Variants in GMDS observed in about 807,000 individuals in gnomAD.
GMDS encodes the protein GDP-mannose 4,6-dehydratase, also known as GDP-mannose 4,6 dehydratase.
GMDS carries 20 observed loss-of-function variants against 49.9 expected under a neutral mutation model. The ratio of observed to expected loss-of-function variants is 0.40; its 90% CI spans 0.28 to 0.58. GMDS has a LOEUF of 0.58. Ranked by LOEUF, GMDS falls within the 20% of genes least tolerant of loss-of-function variation. The pLI is 0.42. For synonymous variants in GMDS, 177 were observed against 178.6 expected (o/e 0.99, Z 0.07); for missense variants, 362 against 481.4 (o/e 0.75, Z 2.32).
intron 4 of GMDS, among the ~76,000 whole-genome samples, chr6:1,992,590 C>T (rs765875262): frequency 9.8e-5 from 15 of 152,338 alleles, no homozygotes; most frequent in Admixed American, 5.2e-4. Context: ...CTCAGCTTTT[C>T]ACTCAAATGT....
intron 4 of GMDS, among the ~76,000 whole-genome samples, chr6:2,059,166 CCT>C (rs1441501937): frequency 3.0e-5 from 3 of 98,682 alleles, no homozygotes; most frequent in Non-Finnish European, 5.6e-5. Context: ...ACAGAGTGAT[CCT>C]CTGTCTCAAA....
chr6:2,035,266 T>A (rs1769232477), intron 4 of GMDS, among the ~76,000 whole-genome samples: 1 of 152,144 alleles, frequency 6.6e-6, no homozygotes, highest in Admixed American at 6.5e-5. Context: ...TGTTCTCCCC[T>A]CATGTGCCAA....
rs542960711 is a variant in GMDS, at chr6:2,065,418, A to G, written c.345+50353T>C. The stretch of plus-strand genomic sequence containing the variant: ...CTCACCAGCAATGGAACAAAGCTGG[A>G]TGGAGAATGACTTTGACGAGCTGAG... On this transcript the variant is annotated intron_variant, in intron 4 of 10. Coordinates refer to ENST00000380815, the MANE Select transcript of GMDS (RefSeq NM_001500.4). Among the ~76,000 whole-genome samples, 6 of 152,400 alleles carry G rather than the reference A, an allele frequency of 3.9e-5. No individual in the cohort carries two copies. In the South Asian group the frequency reaches 1.2e-3, roughly 32 times the overall value.
Position 2,075,719 on chromosome 6 carries a change from G to A in GMDS, c.345+40052C>T, listed in dbSNP as rs543806837. 9.9e-5 allele frequency among the ~76,000 whole-genome samples: 15 copies of A among 152,232 alleles called. No homozygotes were observed. In the East Asian group the frequency reaches 2.1e-3, roughly 22 times the overall value. ...GTGAATAGTGCTGCAATAAACATAC[G>A]TGTGCATGTGTCTTTATAGCAGCAT... On this transcript the variant is annotated intron_variant, in intron 4 of 10. Coordinates refer to ENST00000380815, the MANE Select transcript of GMDS (RefSeq NM_001500.4).
intron 4 of GMDS, among the ~76,000 whole-genome samples, chr6:2,081,775 T>C (rs1260761153): frequency 6.6e-6 from 1 of 152,076 alleles, no homozygotes; most frequent in East Asian, 1.9e-4. Flanking sequence ...TCAGCGTAGG[T>C]GAATGACCCA....
chr6:1,666,739 C>T (rs1375282597), intron 9 of GMDS, among the ~76,000 whole-genome samples: 2 of 152,224 alleles, frequency 1.3e-5, no homozygotes, highest in East Asian at 1.9e-4. Flanking sequence ...GTAACGTCTA[C>T]GGCTGACTTA....
intron 4 of GMDS, among the ~76,000 whole-genome samples, chr6:1,969,064 A>G (rs1561933052): frequency 6.6e-6 from 1 of 152,022 alleles, no homozygotes; most frequent in Non-Finnish European, 1.5e-5. Flanking sequence ...GATCAAGACC[A>G]TCCTGGCTAA....
intron 6 of GMDS, among the ~76,000 whole-genome samples, chr6:1,958,113 ATG>A (rs1242892780): frequency 3.2e-5 from 4 of 123,986 alleles, no homozygotes; most frequent in Non-Finnish European, 5.0e-5. Context: ...GCCTTAAAAT[ATG>A]TTTTTTTTTT....
At chr6:1,889,792 G>A (rs529462992) in intron 7 of GMDS, among the ~76,000 whole-genome samples, 6 of 152,124 alleles carry the variant, frequency 3.9e-5, no homozygotes, top group African/African-American at 9.6e-5. Flanking sequence ...CCTAGCCCAC[G>A]GCAACTACAG....
intron 4 of GMDS, among the ~76,000 whole-genome samples, chr6:2,062,093 G>A (rs968741844): frequency 6.6e-6 from 1 of 152,126 alleles, no homozygotes. Flanking sequence ...ATTATGCCTA[G>A]ATCAGCACAA....
intron 4 of GMDS, among the ~76,000 whole-genome samples, chr6:2,086,976 A>G (rs147892800): frequency 2.6e-5 from 4 of 152,378 alleles, no homozygotes; most frequent in Non-Finnish European, 4.4e-5. Context: ...TATTGCTCCA[A>G]ATAAAATATT....
intron 4 of GMDS, among the ~76,000 whole-genome samples, chr6:2,000,025 ATATCTATATC>A (rs1766684292): frequency 1.8e-4 from 2 of 11,266 alleles, no homozygotes; most frequent in Non-Finnish European, 3.4e-4. Flanking sequence ...ATATATATAT[ATATCTATATC>A]TTTTTTTTTT....
chr6:1,825,309 T>C (rs1771062627), intron 7 of GMDS, among the ~76,000 whole-genome samples: 1 of 152,224 alleles, frequency 6.6e-6, no homozygotes, highest in Non-Finnish European at 1.5e-5. Flanking sequence ...CTACAAAGCA[T>C]ATATTTTCTT....
At chr6:1,967,088 C>A (rs966408534) in intron 4 of GMDS, among the ~76,000 whole-genome samples, 1 of 152,196 alleles carries the variant, frequency 6.6e-6, no homozygotes, top group East Asian at 1.9e-4. Flanking sequence ...GGAGCCTTCA[C>A]GCTGCTGACC....
At chr6:1,816,166 G>A (rs1561822309) in intron 7 of GMDS, among the ~76,000 whole-genome samples, 1 of 152,308 alleles carries the variant, frequency 6.6e-6, no homozygotes, top group Admixed American at 6.5e-5. Context: ...GGGAGAAGAA[G>A]TGACCATTCA....
intron 7 of GMDS, among the ~76,000 whole-genome samples, chr6:1,770,369 C>T (rs906235956): frequency 6.6e-6 from 1 of 152,218 alleles, no homozygotes; most frequent in Admixed American, 6.5e-5. Flanking sequence ...TACTGAAGAC[C>T]ACGCGTAAGG....
chr6:2,130,756 GA>G (rs574560448), intron 1 of GMDS, among the ~76,000 whole-genome samples: 5 of 150,724 alleles, frequency 3.3e-5, no homozygotes, highest in South Asian at 2.1e-4. Flanking sequence ...AGTTTGATAA[GA>G]AAAAAAAGAT....
intron 1 of GMDS, among the ~76,000 whole-genome samples, chr6:2,135,792 T>C (rs1052920782): frequency 5.3e-5 from 8 of 152,220 alleles, no homozygotes; most frequent in Non-Finnish European, 1.2e-4. Flanking sequence ...GAATTTTATT[T>C]AACACATATA....
chr6:1,774,993 C>G lies in GMDS; in HGVS notation c.772-32407G>C, dbSNP rs1014522717. Among the ~76,000 whole-genome samples the G allele has an allele frequency of 3.9e-5, 6 of 152,202 alleles. No homozygotes were observed. In the East Asian group the frequency reaches 1.2e-3, roughly 29 times the overall value. The stretch of plus-strand genomic sequence containing the variant: ...CGGAGCCTGCTCGATGGCCTCCTGT[C>G]TTTGGCTGATTCCGAAAGACAAGTC... On this transcript the variant is annotated intron_variant, in intron 7 of 10. Coordinates refer to ENST00000380815, the MANE Select transcript of GMDS (RefSeq NM_001500.4).
Sources: allele counts gnomAD v4.1 joint callset (sites outside exome capture counted in the v4.1 genomes callset), GRCh38; gene constraint gnomAD v4.1.1; transcripts MANE v1.5; gene names NCBI Gene and HGNC (gene_info 2026-07-23, HGNC 2026-07-21).